The following KLHL7 variants were observed in gnomAD, a reference collection of about 807,000 sequenced individuals.
KLHL7 encodes the protein kelch-like protein 7.
In KLHL7, 44 loss-of-function variants were observed where a neutral mutation model predicts 67.4. That is an observed-to-expected ratio of 0.65 (90% CI 0.51 to 0.84). KLHL7 has a LOEUF of 0.84. Among genes scored for constraint, KLHL7 ranks in the 40% least tolerant of loss-of-function variants. The pLI, the probability that KLHL7 is intolerant of heterozygous loss-of-function variation, is 0.00. For missense variants in KLHL7, 362 were observed against 718.1 expected (o/e 0.50, Z 5.67); for synonymous variants, 252 against 243.3 (o/e 1.04, Z -0.33).
chr7:23,117,701 T>C, intron 1 of KLHL7: 1 of 833,366 alleles, frequency 1.2e-6, no homozygotes, highest in Admixed American at 2.9e-5. Flanking sequence ...ACAAATGTGA[T>C]TTCTAGAGAA....
At chr7:23,165,304 T>C (rs539602785) in intron 7 of KLHL7, among the ~76,000 whole-genome samples, 1 of 152,346 alleles carries the variant, frequency 6.6e-6, no homozygotes, top group Admixed American at 6.5e-5. Context: ...TATCACACTA[T>C]ATATCTGGCA....
At chr7:23,170,795 A>T (rs1411285614) in intron 9 of KLHL7, among the ~76,000 whole-genome samples, 2 of 152,232 alleles carry the variant, frequency 1.3e-5, no homozygotes, top group East Asian at 3.8e-4. Flanking sequence ...AATCAGTTTT[A>T]AAAAAGATGG....
At chr7:23,169,466 C>A (rs1216509865) in intron 9 of KLHL7, among the ~76,000 whole-genome samples, 1 of 152,016 alleles carries the variant, frequency 6.6e-6, no homozygotes, top group Non-Finnish European at 1.5e-5. Flanking sequence ...TTTATGTGAA[C>A]CTCTACCTTA....
At chr7:23,157,465 A>G (rs1423422781) in intron 7 of KLHL7, among the ~76,000 whole-genome samples, 1 of 152,208 alleles carries the variant, frequency 6.6e-6, no homozygotes, top group African/African-American at 2.4e-5. Flanking sequence ...CAGTTTGTGC[A>G]TGAAAGGTAT....
Position 23,120,431 on chromosome 7 carries a change from C to T in KLHL7, c.121-3346C>T, listed in dbSNP as rs555840278. The stretch of plus-strand genomic sequence containing the variant: ...TTTTAATTGACAAATAATAGTTGTA[C>T]TTATACGGAATGTAGTGATGTTTCA... On this transcript the variant is annotated intron_variant, in intron 1 of 10. Transcript: ENST00000339077. Among the ~76,000 whole-genome samples, 122 of 152,190 alleles carry T rather than the reference C, an allele frequency of 8.0e-4. 1 individual carries two copies. The highest frequency in any genetic ancestry group is 1.6e-3 in the Admixed American group (24 of 15,276).
chr7:23,158,729 C>T (rs1187947780), intron 7 of KLHL7, among the ~76,000 whole-genome samples: 1 of 152,204 alleles, frequency 6.6e-6, no homozygotes. Flanking sequence ...TCCTCACACA[C>T]ACAGTGCGTG....
At chr7:23,148,689 ACAAC>A (rs1032904016) in intron 6 of KLHL7, among the ~76,000 whole-genome samples, 13 of 152,194 alleles carry the variant, frequency 8.5e-5, no homozygotes, top group Admixed American at 5.2e-4. Flanking sequence ...GCTGTTGAAA[ACAAC>A]CAGCCAGTCT....
Position 23,174,745 on chromosome 7 carries a change from A to T in KLHL7, c.*447A>T. 2.2e-6 allele frequency: 1 copy of T among 454,960 alleles called. No homozygotes were observed. Among genetic ancestry groups the T allele is most frequent in the Non-Finnish European group, 4.4e-6 (1 of 227,062 alleles). 28.2% of individuals were successfully genotyped at this position (454,960 alleles called of 1,614,324 possible). A position where few individuals can be genotyped will look rare whatever the true frequency, so the allele number is the denominator to read the frequency against. ...TTGTAAGTCAAGATGGGCAACTCAG[A>T]TGGAGCAGCTTAGTCTCACAGTTTG... On this transcript the variant is annotated 3_prime_UTR_variant, in exon 11 of 11. Transcript: ENST00000339077.
chr7:23,160,167 T>G (rs1041400281), intron 7 of KLHL7, among the ~76,000 whole-genome samples: 1 of 152,212 alleles, frequency 6.6e-6, no homozygotes, highest in Admixed American at 6.5e-5. Context: ...TTGAGATAAT[T>G]TAAAGTGTAA....
chr7:23,147,094 CT>C (rs397889904), intron 6 of KLHL7, among the ~76,000 whole-genome samples: 3,071 of 118,462 alleles, frequency 0.026, 84 homozygotes, highest in African/African-American at 0.086. Context: ...TTAACCTGGA[CT>C]TTTTTTTTTT....
chr7:23,106,786 C>G, intron 1 of KLHL7: 1 of 984,636 alleles, frequency 1.0e-6, no homozygotes, highest in Non-Finnish European at 1.2e-6. Context: ...TGCAGCACAT[C>G]GGCGAAAGGT....
chr7:23,108,563 A>G (rs59892643), intron 1 of KLHL7, among the ~76,000 whole-genome samples: 2,369 of 152,248 alleles, frequency 0.016, 81 homozygotes, highest in African/African-American at 0.054. Context: ...TCAGTCACCA[A>G]CCCCACAGTA....
At chr7:23,140,716 C>G in intron 4 of KLHL7, 53 bp from the exon 5 acceptor site, 1 of 1,488,058 alleles carries the variant, frequency 6.7e-7, no homozygotes, top group Non-Finnish European at 9.3e-7. Context: ...TGAATGTATA[C>G]TTGGTTTTTC....
chr7:23,120,102 C>T (rs1050483790), intron 1 of KLHL7, among the ~76,000 whole-genome samples: 5 of 151,936 alleles, frequency 3.3e-5, no homozygotes, highest in East Asian at 1.9e-4. Flanking sequence ...CTTTTGCCCC[C>T]GGGCTCAAGC....
chr7:23,116,398 G>A (rs1012185345), intron 1 of KLHL7, among the ~76,000 whole-genome samples: 1 of 152,168 alleles, frequency 6.6e-6, no homozygotes, highest in African/African-American at 2.4e-5. Flanking sequence ...GCGCAGACAT[G>A]TTCCTTTCTG....
intron 6 of KLHL7, among the ~76,000 whole-genome samples, chr7:23,151,696 T>C (rs898901463): frequency 6.6e-6 from 1 of 152,224 alleles, no homozygotes; most frequent in African/African-American, 2.4e-5. Context: ...CAGGTATCAA[T>C]AGTTTCAGAG....
intron 3 of KLHL7, 107 bp from the exon 4 acceptor site, chr7:23,124,941 A>G: frequency 1.7e-6 from 2 of 1,199,752 alleles, no homozygotes; most frequent in Non-Finnish European, 2.4e-6. Context: ...AAGGACTGAA[A>G]GTTTAATTTT....
Position 23,165,876 on chromosome 7 carries a change from G to C in KLHL7, c.1115G>C (p.Arg372Pro). The change falls in exon 8 of 11, where the codon CGA becomes CCA. Residue 372 changes from arginine (R) to proline (P), a missense_variant. This residue lies in a region of KLHL7 where 12 missense variants were observed against 81.8 expected (regional missense o/e 0.15). Transcript: ENST00000339077. ...TCGAAACTGGGTCCTCCGACACCTC[G>C]AGACAGCCTTGCTGCATGTGCTGCA... ...WYSKLGPPTP[R>P]DSLAACAAEG... 3.1e-6 allele frequency: 5 copies of C among 1,614,154 alleles called. No homozygotes were observed. The highest frequency in any genetic ancestry group is 4.2e-6 in the Non-Finnish European group (5 of 1,180,010).
At position 23,174,154 on chromosome 7, in the gene KLHL7, T is replaced by C; in HGVS notation, c.1617T>C (p.Val539=). Residue 539 remains valine, a synonymous_variant, in exon 11 of 11, where the codon GTT becomes GTC. Coordinates refer to ENST00000339077, the MANE Select transcript of KLHL7 (RefSeq NM_001031710.3). ...ATGTCTTGGCTGGTTTTCAGGGTGTTGGTCGATTAGGACACATTCTCGAAT... is the reference window on the plus strand; with the variant it reads ...ATGTCTTGGCTGGTTTTCAGGGTGTCGGTCGATTAGGACACATTCTCGAAT... ...IVYVLAGFQG[V]GRLGHILEYN... 1 of 1,614,204 alleles carries C rather than the reference T, an allele frequency of 6.2e-7. No individual in the cohort carries two copies.
Sources: gnomAD v4.1 joint callset for allele counts (sites outside exome capture counted in the v4.1 genomes callset) on GRCh38, gnomAD v4.1.1 for gene constraint, gnomAD v4.1.1 regional missense constraint, MANE v1.5 for transcripts, NCBI Gene and HGNC (gene_info 2026-07-23, HGNC 2026-07-21) for gene names.